The following LNX2 variants were observed in gnomAD, a reference collection of about 807,000 sequenced individuals.
LNX2 encodes ligand of Numb protein X 2.
Under a neutral mutation model 66.2 loss-of-function variants are expected in LNX2, and 35 were observed. The observed-to-expected ratio is 0.53, with a 90% CI of 0.40 to 0.70. The LOEUF (loss-of-function observed/expected upper bound fraction) is 0.70, where lower values mean the gene tolerates loss of function less well. LNX2 is among the 30% of genes least tolerant of loss of function. The pLI, the probability that LNX2 is intolerant of heterozygous loss-of-function variation, is 0.00. For missense variants in LNX2, 791 were observed against 850.8 expected, an observed-to-expected ratio of 0.93 and a Z score of 0.87; for synonymous variants, 337 against 315.6, an observed-to-expected ratio of 1.07 and a Z score of -0.72.
chr13:27,556,260 C>T lies in LNX2; in HGVS notation c.1522G>A (p.Ala508Thr), dbSNP rs747123495. The change falls in exon 7 of 10, where the codon GCA becomes ACA. Residue 508 changes from alanine to threonine, a missense_variant. Physicochemically the swap from Ala to Thr is moderately conservative, Grantham distance 58 (BLOSUM62 0). Coordinates refer to ENST00000316334, the MANE Select transcript of LNX2 (RefSeq NM_153371.4). ...CCTCTCTTTATTCTGCCATCTCGTG[C>T]AAGGCAGCCATGGGGTGGCACACTG... ...VTSVPPHGCL[A>T]RDGRIKRGDV... 1.2e-6 allele frequency: 2 copies of T among 1,613,890 alleles called. No individual in the cohort carries two copies. Among genetic ancestry groups the T allele is most frequent in the Non-Finnish European group, 8.5e-7 (1 of 1,179,918 alleles).
intron 1 of LNX2, among the ~76,000 whole-genome samples, chr13:27,606,123 A>G (rs1955712657): frequency 6.6e-6 from 1 of 152,186 alleles, no homozygotes; most frequent in Admixed American, 6.5e-5. Context: ...GACATTTCCA[A>G]TTAGCAAACA....
intron 1 of LNX2, among the ~76,000 whole-genome samples, chr13:27,616,965 G>C (rs1402503451): frequency 3.3e-5 from 5 of 152,120 alleles, no homozygotes; most frequent in African/African-American, 1.2e-4. Context: ...TGGCCAGGCT[G>C]GTCTTGAACT....
intron 1 of LNX2, among the ~76,000 whole-genome samples, chr13:27,602,124 T>C (rs11618047): frequency 6.6e-6 from 1 of 151,932 alleles, no homozygotes; most frequent in African/African-American, 2.4e-5. Context: ...ACAAAAAAAA[T>C]GTGCAAAACT....
At chr13:27,602,905 AATCT>A (rs753917159) in intron 1 of LNX2, among the ~76,000 whole-genome samples, 178 of 152,298 alleles carry the variant, frequency 1.2e-3, no homozygotes, top group Admixed American at 3.7e-3. Flanking sequence ...TTTTGAGTTA[AATCT>A]ATTTGTAAGA....
chr13:27,580,932 A>G (rs567864569), intron 2 of LNX2, among the ~76,000 whole-genome samples: 3 of 152,338 alleles, frequency 2.0e-5, no homozygotes, highest in Admixed American at 1.3e-4. Context: ...TCCTTAGGAT[A>G]ATAAACTAGA....
intron 4 of LNX2, 110 bp from the exon 5 acceptor site, chr13:27,562,891 T>C: frequency 9.0e-7 from 1 of 1,107,676 alleles, no homozygotes; most frequent in Admixed American, 2.2e-5. Flanking sequence ...GAGTGCTAAG[T>C]ATGGTGAGAA....
At chr13:27,559,749 G>A in intron 6 of LNX2, 93 bp downstream of exon 6, 2 of 1,266,808 alleles carry the variant, frequency 1.6e-6, no homozygotes, top group Non-Finnish European at 2.1e-6. Context: ...TTATTGAGGT[G>A]TGACTGACAC....
At chr13:27,593,558 T>A (rs1279182250) in intron 1 of LNX2, among the ~76,000 whole-genome samples, 1 of 147,002 alleles carries the variant, frequency 6.8e-6, no homozygotes, top group Non-Finnish European at 1.5e-5. Flanking sequence ...CTTTGCTGGC[T>A]GAAACTTTTT....
At chr13:27,557,043 T>C (rs1955070369) in intron 6 of LNX2, among the ~76,000 whole-genome samples, 1 of 152,214 alleles carries the variant, frequency 6.6e-6, no homozygotes, top group African/African-American at 2.4e-5. Context: ...CTATTTTTAC[T>C]GACATTTGTT....
At chr13:27,568,992 T>C (rs748396835) in intron 3 of LNX2, 37 bp downstream of exon 3, 19 of 1,552,656 alleles carry the variant, frequency 1.2e-5, no homozygotes, top group Admixed American at 2.1e-5. Context: ...AGAAAGGAAA[T>C]AGAGATGAAA....
chr13:27,612,336 C>T (rs950855829), intron 1 of LNX2, among the ~76,000 whole-genome samples: 12 of 152,332 alleles, frequency 7.9e-5, no homozygotes, highest in Non-Finnish European at 1.3e-4. Context: ...ACCTCCTCCC[C>T]CTCCCTCAAA....
At chr13:27,549,123 G>C (rs1338885024) in intron 9 of LNX2, among the ~76,000 whole-genome samples, 1 of 152,142 alleles carries the variant, frequency 6.6e-6, no homozygotes, top group Non-Finnish European at 1.5e-5. Flanking sequence ...AGCTAAGAGA[G>C]TGATTAATTC....
chr13:27,551,710 T>C (rs1484147859), intron 8 of LNX2, among the ~76,000 whole-genome samples: 1 of 152,218 alleles, frequency 6.6e-6, no homozygotes, highest in East Asian at 1.9e-4. Flanking sequence ...CCAGAACTTC[T>C]CATCTTATCT....
At chr13:27,548,579 G>A in intron 9 of LNX2, 109 bp from the exon 10 acceptor site, 1 of 1,123,816 alleles carries the variant, frequency 8.9e-7, no homozygotes, top group Non-Finnish European at 1.3e-6. Context: ...CCACTGAACT[G>A]TCAATGGTTA....
chr13:27,556,447 G>A, intron 6 of LNX2, 34 bp from the exon 7 acceptor site: 9 of 1,567,048 alleles, frequency 5.7e-6, no homozygotes, highest in South Asian at 1.1e-5. Flanking sequence ...ATTGGATAAT[G>A]AATAAAATAT....
chr13:27,591,754 G>T (rs915784933), intron 1 of LNX2, among the ~76,000 whole-genome samples: 1 of 152,196 alleles, frequency 6.6e-6, no homozygotes, highest in Non-Finnish European at 1.5e-5. Context: ...CATATAAGAA[G>T]AAATGAAATG....
At chr13:27,583,015 A>T (rs1250436491) in intron 1 of LNX2, among the ~76,000 whole-genome samples, 1 of 152,150 alleles carries the variant, frequency 6.6e-6, no homozygotes, top group Non-Finnish European at 1.5e-5. Flanking sequence ...GTATATAAAT[A>T]ACAGCGCAAA....
At chr13:27,568,472 A>G (rs1437687508) in intron 3 of LNX2, among the ~76,000 whole-genome samples, 1 of 152,186 alleles carries the variant, frequency 6.6e-6, no homozygotes, top group African/African-American at 2.4e-5. Flanking sequence ...AGAGGTGTAT[A>G]ACGGTGAGAT....
At chr13:27,578,720 T>C (rs1297558139) in intron 2 of LNX2, among the ~76,000 whole-genome samples, 1 of 152,196 alleles carries the variant, frequency 6.6e-6, no homozygotes, top group Non-Finnish European at 1.5e-5. Context: ...CCCACGCACC[T>C]AGTCATTCCC....
Sources: gnomAD v4.1 joint callset for allele counts (sites outside exome capture counted in the v4.1 genomes callset) on GRCh38, gnomAD v4.1.1 for gene constraint, MANE v1.5 for transcripts, NCBI Gene and HGNC (gene_info 2026-07-23, HGNC 2026-07-21) for gene names.